Variants in C2CD3 observed in about 807,000 individuals in gnomAD.
C2CD3 encodes the protein C2 domain containing 3 centriole elongation regulator.
Under a neutral mutation model 234.0 loss-of-function variants are expected in C2CD3, and 148 were observed. That is an observed-to-expected ratio of 0.63 (90% confidence interval 0.55 to 0.72). The LOEUF (loss-of-function observed/expected upper bound fraction) is 0.72. C2CD3 is among the 30% of genes least tolerant of loss of function. The pLI is 0.00. For missense variants in C2CD3, 2,577 were observed against 2,811.5 expected, an observed-to-expected ratio of 0.92 and a Z score of 1.89; for synonymous variants, 1,000 against 1,035.4, an observed-to-expected ratio of 0.97 and a Z score of 0.66.
At chr11:74,133,692 G>C (rs1413582274) in intron 5 of C2CD3, 135 bp from the exon 6 acceptor site, 2 of 819,520 alleles carry the variant, frequency 2.4e-6, no homozygotes, top group African/African-American at 3.4e-5. Context: ...TTCCCCATTA[G>C]CTTGAGAATT....
intron 31 of C2CD3, among the ~76,000 whole-genome samples, chr11:74,028,824 G>T (rs964204290): frequency 6.6e-6 from 1 of 152,232 alleles, no homozygotes; most frequent in Non-Finnish European, 1.5e-5. Flanking sequence ...GGTAGCAGGC[G>T]TTGAATGATT....
chr11:74,152,842 C>T (rs1855751964), intron 3 of C2CD3, among the ~76,000 whole-genome samples: 1 of 152,172 alleles, frequency 6.6e-6, no homozygotes, highest in Non-Finnish European at 1.5e-5. Flanking sequence ...GATAAAATCT[C>T]TCAGAAAATT....
intron 28 of C2CD3, among the ~76,000 whole-genome samples, chr11:74,045,975 T>C (rs1299476316): frequency 6.6e-6 from 1 of 152,238 alleles, no homozygotes; most frequent in Non-Finnish European, 1.5e-5. Context: ...ATGGTAAAAA[T>C]TGATAGATAT....
At chr11:74,127,874 T>G (rs1957468272) in intron 7 of C2CD3, among the ~76,000 whole-genome samples, 1 of 152,162 alleles carries the variant, frequency 6.6e-6, no homozygotes, top group South Asian at 2.1e-4. Flanking sequence ...TGGCTTTTTT[T>G]TTTTTTGAGA....
intron 28 of C2CD3, among the ~76,000 whole-genome samples, chr11:74,047,647 C>T (rs78422790): frequency 0.057 from 8,662 of 152,226 alleles, 789 homozygotes; most frequent in African/African-American, 0.2. Flanking sequence ...AGATTCCTTG[C>T]CCTTTCCCTG....
intron 22 of C2CD3, among the ~76,000 whole-genome samples, chr11:74,079,550 C>G (rs1364957159): frequency 1.3e-5 from 2 of 150,622 alleles, no homozygotes; most frequent in Admixed American, 1.3e-4. Context: ...TATTAAATAT[C>G]TAGTATGTGT....
At position 74,074,324 on chromosome 11, in the gene C2CD3, C is replaced by T; in HGVS notation, c.4880G>A (p.Gly1627Asp). 1.2e-6 allele frequency: 2 copies of T among 1,614,242 alleles called. No individual in the cohort carries two copies. Among genetic ancestry groups the T allele is most frequent in the Non-Finnish European group, 1.7e-6 (2 of 1,180,038 alleles). The part of the protein sequence containing the change: ...TTAEVRLTQE[G>D]PADLDGTFAV... ...AAACGTTCCATCCAAATCAGCAGGG[C>T]CCTCCTGCGTCAGGCGGACTTCAGC... Residue 1627 changes from glycine to aspartate, a missense_variant, in exon 24 of 33, where the codon GGC becomes GAC. By Grantham distance (94) the Gly-to-Asp change is moderately conservative. Coordinates refer to ENST00000334126, the MANE Select transcript of C2CD3 (RefSeq NM_001286577.2).
intron 24 of C2CD3, among the ~76,000 whole-genome samples, chr11:74,064,583 T>C (rs1464015248): frequency 1.3e-5 from 2 of 152,160 alleles, no homozygotes. Context: ...TTAAAGTTCA[T>C]ATGCAATCAA....
At chr11:74,022,949 T>C (rs1317296610) in intron 32 of C2CD3, among the ~76,000 whole-genome samples, 1 of 152,238 alleles carries the variant, frequency 6.6e-6, no homozygotes, top group African/African-American at 2.4e-5. Flanking sequence ...TCTACCTGTG[T>C]GGCACTCGTT....
At chr11:74,139,360 C>T (rs1957970339) in intron 4 of C2CD3, among the ~76,000 whole-genome samples, 1 of 152,186 alleles carries the variant, frequency 6.6e-6, no homozygotes. Flanking sequence ...AGTCATTTAT[C>T]TGTATGTTGG....
intron 29 of C2CD3, 98 bp downstream of exon 29, chr11:74,041,951 AGGGCG>A: frequency 8.7e-7 from 1 of 1,153,258 alleles, no homozygotes; most frequent in South Asian, 1.4e-5. Flanking sequence ...TAATGTTCCT[AGGGCG>A]GTGGCAGGTG....
intron 28 of C2CD3, among the ~76,000 whole-genome samples, chr11:74,042,975 A>G (rs139646329): frequency 1.3e-5 from 2 of 152,238 alleles, no homozygotes; most frequent in African/African-American, 4.8e-5. Flanking sequence ...GACTCCAACA[A>G]TCTCTTTTTA....
intron 3 of C2CD3, among the ~76,000 whole-genome samples, chr11:74,157,346 G>A (rs1178359180): frequency 6.6e-6 from 1 of 152,140 alleles, no homozygotes; most frequent in African/African-American, 2.4e-5. Context: ...AGTAATTCAT[G>A]TGGCTTTTGA....
At chr11:74,152,350 A>G (rs958990427) in intron 3 of C2CD3, among the ~76,000 whole-genome samples, 3 of 152,228 alleles carry the variant, frequency 2.0e-5, no homozygotes, top group African/African-American at 7.2e-5. Context: ...TCACTCAAAA[A>G]GAAAGATTAC....
chr11:74,100,272 T>C (rs571932537), intron 15 of C2CD3, among the ~76,000 whole-genome samples: 5 of 152,358 alleles, frequency 3.3e-5, no homozygotes, highest in African/African-American at 4.8e-5. Context: ...TAGAAGTACC[T>C]GCCTCAGAGG....
At chr11:74,067,523 C>A (rs1469805374) in intron 24 of C2CD3, among the ~76,000 whole-genome samples, 2 of 143,914 alleles carry the variant, frequency 1.4e-5, no homozygotes, top group African/African-American at 6.0e-5. Context: ...TCAAGGGAAG[C>A]AGTAGGAGTT....
At chr11:74,097,686 T>G (rs980698966) in intron 16 of C2CD3, among the ~76,000 whole-genome samples, 5 of 152,224 alleles carry the variant, frequency 3.3e-5, no homozygotes, top group African/African-American at 1.2e-4. Flanking sequence ...CAGAGTAAGA[T>G]TTTGCTGGCT....
intron 24 of C2CD3, among the ~76,000 whole-genome samples, chr11:74,066,311 G>C (rs1006251011): frequency 1.5e-5 from 2 of 132,766 alleles, no homozygotes; most frequent in Non-Finnish European, 3.2e-5. Context: ...TGTAAATGAC[G>C]AGTTAATGGG....
chr11:74,017,263 C>T (rs887356114), intron 32 of C2CD3, among the ~76,000 whole-genome samples: 4 of 152,138 alleles, frequency 2.6e-5, no homozygotes, highest in Non-Finnish European at 5.9e-5. Context: ...GGGTATTTGA[C>T]GACTGTACTA....
Sources: allele counts gnomAD v4.1 joint callset (sites outside exome capture counted in the v4.1 genomes callset), GRCh38; gene constraint gnomAD v4.1.1; transcripts MANE v1.5; gene names NCBI Gene and HGNC (gene_info 2026-07-23, HGNC 2026-07-21).